The following PAPPA variants were observed in gnomAD, a reference collection of about 807,000 sequenced individuals.
The protein encoded by PAPPA is pappalysin-1.
In PAPPA, 60 loss-of-function variants were observed where a neutral mutation model predicts 164.0. The observed-to-expected ratio is 0.37, with a 90% CI of 0.30 to 0.45. The LOEUF (loss-of-function observed/expected upper bound fraction) is 0.45, where lower values mean the gene tolerates loss of function less well. PAPPA is among the 20% of genes least tolerant of loss of function. PAPPA has a pLI of 1.00. For missense variants in PAPPA, 1,782 were observed against 2,087.3 expected (o/e 0.85, Z 2.85); for synonymous variants, 875 against 814.1 (o/e 1.07, Z -1.27).
intron 10 of PAPPA, among the ~76,000 whole-genome samples, chr9:116,309,474 G>T (rs962024671): frequency 2.0e-5 from 3 of 152,148 alleles, no homozygotes; most frequent in Non-Finnish European, 4.4e-5. Context: ...CAAGGGACTA[G>T]ATACCCACTA....
chr9:116,175,964 A>T (rs1438462765), intron 1 of PAPPA, among the ~76,000 whole-genome samples: 1 of 152,238 alleles, frequency 6.6e-6, no homozygotes, highest in Admixed American at 6.5e-5. Flanking sequence ...AACTATCAAG[A>T]AACAGCCCAA....
In PAPPA at chr9:116,157,608, G is replaced by A. The variant is rs141847221; in HGVS notation, c.415+3021G>A. On this transcript the variant is annotated intron_variant, in intron 1 of 21. Transcript: ENST00000328252. ...AGAGAGACACACAGAGAGGGGAGGG[G>A]TGTGTGCTGGATGACACAGCTCCTC... 1.4e-3 allele frequency among the ~76,000 whole-genome samples: 214 copies of A among 152,108 alleles called. 1 individual carries two copies. The highest frequency in any genetic ancestry group is 4.9e-3 in the African/African-American group (203 of 41,494).
At position 116,209,056 on chromosome 9, in the gene PAPPA, TA is replaced by T. The variant is rs3838261; in HGVS notation, c.1624+1456del. ...CCACAATGTCCACTACAAAGAATTA[TA>T]CAGACTAAAAAGTCAATAGTGCTGA... On this transcript the variant is annotated intron_variant, in intron 3 of 21. Coordinates refer to ENST00000328252, the MANE Select transcript of PAPPA (RefSeq NM_002581.5). Among the ~76,000 whole-genome samples, 18 of 152,228 alleles carry T rather than the reference TA, an allele frequency of 1.2e-4. No individual in the cohort carries two copies. In the East Asian group the frequency reaches 3.5e-3, roughly 29 times the overall value.
intron 7 of PAPPA, among the ~76,000 whole-genome samples, chr9:116,253,168 C>CA (rs34350487): frequency 0.1 from 15,111 of 146,856 alleles, 789 homozygotes; most frequent in Middle Eastern, 0.14. Context: ...ACCCAGCTAT[C>CA]AAAAAAAAAA....
intron 8 of PAPPA, among the ~76,000 whole-genome samples, chr9:116,270,006 C>A (rs1845118673): frequency 6.6e-6 from 1 of 152,184 alleles, no homozygotes; most frequent in Admixed American, 6.5e-5. Context: ...TACTCTGACA[C>A]CTCTTAAAAG....
At chr9:116,207,892 G>A (rs994105574) in intron 3 of PAPPA, among the ~76,000 whole-genome samples, 4 of 152,224 alleles carry the variant, frequency 2.6e-5, no homozygotes, top group Non-Finnish European at 5.9e-5. Context: ...GCAAGACAGT[G>A]ACAGTCACAA....
At chr9:116,168,700 C>T (rs1010400260) in intron 1 of PAPPA, among the ~76,000 whole-genome samples, 10 of 152,138 alleles carry the variant, frequency 6.6e-5, no homozygotes, top group African/African-American at 9.7e-5. Context: ...GGATTCATGC[C>T]TCAGCTGTAG....
intron 1 of PAPPA, among the ~76,000 whole-genome samples, chr9:116,161,115 G>T (rs773510863): frequency 6.6e-6 from 1 of 152,172 alleles, no homozygotes; most frequent in Non-Finnish European, 1.5e-5. Flanking sequence ...TGAGAGATGT[G>T]AGGGATTAGT....
intron 9 of PAPPA, among the ~76,000 whole-genome samples, chr9:116,284,957 C>G (rs1469492365): frequency 1.3e-5 from 2 of 151,792 alleles, no homozygotes; most frequent in Non-Finnish European, 2.9e-5. Flanking sequence ...TTTTGCTTGC[C>G]CCAATCTACC....
chr9:116,273,773 CAAAAT>C (rs1320315839), intron 9 of PAPPA, among the ~76,000 whole-genome samples: 2 of 151,890 alleles, frequency 1.3e-5, no homozygotes, highest in Non-Finnish European at 2.9e-5. Flanking sequence ...GACCCTGTCT[CAAAAT>C]AAAATAAAAA....
At chr9:116,247,529 G>T (rs1844811418) in intron 7 of PAPPA, among the ~76,000 whole-genome samples, 1 of 152,138 alleles carries the variant, frequency 6.6e-6, no homozygotes, top group African/African-American at 2.4e-5. Context: ...GTTATTTTCT[G>T]TTCACTCTGG....
At chr9:116,312,288 CTTTTTTTTTT>C (rs5900201) in intron 10 of PAPPA, among the ~76,000 whole-genome samples, 25 of 129,638 alleles carry the variant, frequency 1.9e-4, no homozygotes, top group Non-Finnish European at 2.8e-4. Context: ...TTCTTTCTTT[CTTTTTTTTTT>C]TTTTTTTGTT....
intron 7 of PAPPA, among the ~76,000 whole-genome samples, chr9:116,241,388 GA>G (rs2118758596): frequency 6.6e-6 from 1 of 152,252 alleles, no homozygotes; most frequent in Non-Finnish European, 1.5e-5. Flanking sequence ...AGGTGGTCAG[GA>G]AAGTCCTCTC....
At position 116,347,266 on chromosome 9, in the gene PAPPA, C is replaced by G; in HGVS notation, c.3964+57C>G. ...CCTTTGTCTATGGGAAACCTAGAAG[C>G]TGCATCCAGGCCCTCTTTCTGGGTC... is the stretch of plus-strand genomic sequence containing the variant. On this transcript the variant is annotated intron_variant, in intron 15 of 21. Transcript: ENST00000328252. The surrounding 1 kb of genome is among the most constrained non-coding windows in gnomAD (Gnocchi z 4.5). The G allele has an allele frequency of 1.4e-6, 2 of 1,477,392 alleles. No individual in the cohort carries two copies. Among genetic ancestry groups the G allele is most frequent in the African/African-American group, 2.8e-5 (2 of 71,536 alleles). The allele number at this position is 1,477,392 out of a possible 1,614,324, so 91.5% of individuals were successfully genotyped here. A position where few individuals can be genotyped will look rare whatever the true frequency, so the allele number is the denominator to read the frequency against.
chr9:116,191,776 A>C (rs560328902), intron 2 of PAPPA, among the ~76,000 whole-genome samples: 2 of 152,300 alleles, frequency 1.3e-5, no homozygotes, highest in Admixed American at 1.3e-4. Flanking sequence ...GGGTCCTAGC[A>C]GGAAACAGAT....
At position 116,347,412 on chromosome 9, in the gene PAPPA, A is replaced by G. The variant is rs541527135; in HGVS notation, c.3964+203A>G. 6.6e-6 allele frequency among the ~76,000 whole-genome samples: 1 copy of G among 152,288 alleles called. No homozygotes were observed. The highest frequency in any genetic ancestry group is 6.5e-5 in the Admixed American group (1 of 15,306). ...AAAAAAGAGTGTATGGATAATTATG[A>G]CAGTGAAGCCCTTTCCAAGACCTTG... On this transcript the variant is annotated intron_variant, in intron 15 of 21. Transcript: ENST00000328252. The surrounding 1 kb of genome is among the most constrained non-coding windows in gnomAD (Gnocchi z 4.5).
At chr9:116,370,089 T>G (rs2118656883) in intron 19 of PAPPA, among the ~76,000 whole-genome samples, 1 of 152,138 alleles carries the variant, frequency 6.6e-6, no homozygotes, top group Non-Finnish European at 1.5e-5. Context: ...TTTCTGAGGG[T>G]CTGCCTGCGA....
intron 21 of PAPPA, among the ~76,000 whole-genome samples, chr9:116,391,306 C>G (rs1271611555): frequency 3.3e-5 from 5 of 152,192 alleles, no homozygotes; most frequent in African/African-American, 1.2e-4. Flanking sequence ...CTACTTGGTA[C>G]TCATGAAATC....
At position 116,396,739 on chromosome 9, in the gene PAPPA, G is replaced by A. The variant is rs770294210; in HGVS notation, c.*123G>A. ...CACCAGGGATCCTTAGCACCCAACC[G>A]GTCTGCCTTTAATTTTACCCAGGAA... is the stretch of plus-strand genomic sequence containing the variant. On this transcript the variant is annotated 3_prime_UTR_variant, in exon 22 of 22. Transcript: ENST00000328252. The A allele has an allele frequency of 2.5e-5, 16 of 636,872 alleles. No individual in the cohort carries two copies. Among genetic ancestry groups the A allele is most frequent in the Middle Eastern group, 4.0e-4 (1 of 2,474 alleles). 39.5% of individuals were successfully genotyped at this position (636,872 alleles called of 1,614,324 possible).
Sources: gnomAD v4.1 joint callset for allele counts (sites outside exome capture counted in the v4.1 genomes callset) on GRCh38, gnomAD v4.1.1 for gene constraint, Gnocchi (gnomAD v3.1) non-coding constraint, MANE v1.5 for transcripts, NCBI Gene and HGNC (gene_info 2026-07-23, HGNC 2026-07-21) for gene names.